The following ABCD3 variants were observed in gnomAD, a reference collection of about 807,000 sequenced individuals.
ABCD3 encodes the protein ATP binding cassette subfamily D member 3.
In ABCD3, 41 loss-of-function variants were observed where a neutral mutation model predicts 105.5. That is an observed-to-expected ratio of 0.39 (90% CI 0.30 to 0.50). The LOEUF is 0.50. ABCD3 is among the 20% of genes least tolerant of loss of function. The probability of loss-of-function intolerance (pLI) is 0.84; values close to 1 mark genes in which losing one functional copy is unlikely to be tolerated. For synonymous variants in ABCD3, 258 were observed against 269.0 expected (o/e 0.96, Z 0.40); for missense variants, 622 against 806.3 (o/e 0.77, Z 2.77).
Position 94,517,890 on chromosome 1 carries a change from C to T in ABCD3, c.*761C>T, listed in dbSNP as rs1403507224. 6.6e-6 allele frequency: 1 copy of T among 152,112 alleles called. No homozygotes were observed. Among genetic ancestry groups the T allele is most frequent in the Non-Finnish European group, 1.5e-5 (1 of 67,824 alleles). 9.4% of individuals were successfully genotyped at this position (152,112 alleles called of 1,614,324 possible). On this transcript the variant is annotated 3_prime_UTR_variant, in exon 23 of 23. Transcript: ENST00000370214. ...CACAAAGTCCTTAACATGCCAGGCT[C>T]AAGGTCTTATAAGAGTTCTAGATTT...
chr1:94,442,926 A>G (rs1196503985), intron 1 of ABCD3, among the ~76,000 whole-genome samples: 2 of 152,126 alleles, frequency 1.3e-5, no homozygotes, highest in Non-Finnish European at 2.9e-5. Context: ...TGATAAACAT[A>G]CCAGTGCAGG....
intron 1 of ABCD3, among the ~76,000 whole-genome samples, chr1:94,430,097 A>G (rs1370142203): frequency 6.6e-6 from 1 of 152,228 alleles, no homozygotes; most frequent in Non-Finnish European, 1.5e-5. Context: ...TAGAGCTTTA[A>G]GATTTGATGG....
intron 16 of ABCD3, 21 bp from the exon 17 acceptor site, chr1:94,498,581 T>G: frequency 6.3e-7 from 1 of 1,586,346 alleles, no homozygotes; most frequent in Non-Finnish European, 8.6e-7. Context: ...CTTCACAGAC[T>G]GATTTTTTTT....
chr1:94,487,571 T>TC lies in ABCD3; in HGVS notation c.928dup (p.Arg310ProfsTer8). The TC allele has an allele frequency of 6.2e-7, 1 of 1,613,908 alleles. No homozygotes were observed. On this transcript the variant is annotated frameshift_variant, in exon 11 of 23. Coordinates refer to ENST00000370214, the MANE Select transcript of ABCD3 (RefSeq NM_002858.4). LOFTEE classifies it high-confidence loss of function. ...AACACCTACATAATTTCATTTTGTT[T>TC]CGGTTTTCAATGGGCTTCATTGATA...
At chr1:94,407,623 A>G in the ABCD3 span, among the ~76,000 whole-genome samples, 1 of 152,212 alleles carries the variant, frequency 6.6e-6, no homozygotes, top group Non-Finnish European at 1.5e-5. Flanking sequence ...GTATGTGAAT[A>G]TTATCCAGCT....
At chr1:94,412,911 A>G in the ABCD3 span, among the ~76,000 whole-genome samples, 1 of 152,094 alleles carries the variant, frequency 6.6e-6, no homozygotes, top group Non-Finnish European at 1.5e-5. Flanking sequence ...TTATTTGCTC[A>G]TTTTTTAAAT....
At chr1:94,459,278 C>T (rs915144377) in intron 2 of ABCD3, among the ~76,000 whole-genome samples, 18 of 152,024 alleles carry the variant, frequency 1.2e-4, no homozygotes, top group Admixed American at 2.0e-4. Context: ...TTTTCCTGTG[C>T]TAAGCAATCT....
At chr1:94,409,071 C>T in the ABCD3 span, among the ~76,000 whole-genome samples, 1 of 151,550 alleles carries the variant, frequency 6.6e-6, no homozygotes, top group East Asian at 1.9e-4. Flanking sequence ...CATATATCAT[C>T]TGGGGGGTGG....
At chr1:94,457,794 T>C (rs1437393536) in intron 1 of ABCD3, among the ~76,000 whole-genome samples, 1 of 152,126 alleles carries the variant, frequency 6.6e-6, no homozygotes, top group African/African-American at 2.4e-5. Flanking sequence ...TTGAGTTCTG[T>C]CCAAACCTGA....
At chr1:94,454,241 G>A (rs1012872933) in intron 1 of ABCD3, among the ~76,000 whole-genome samples, 1 of 152,144 alleles carries the variant, frequency 6.6e-6, no homozygotes, top group African/African-American at 2.4e-5. Context: ...AGTAGAAATG[G>A]AAAGAGCATA....
Position 94,487,620 on chromosome 1 carries a change from A to G in ABCD3, c.967+9A>G, listed in dbSNP as rs1200452400. ...TAGTATTATTGCCAAATGTAAGTAT[A>G]TTTTGAAAGAGATGAGATTTGTGGA... is the stretch of plus-strand genomic sequence containing the variant. On this transcript the variant is annotated intron_variant, in intron 11 of 22. Transcript: ENST00000370214. The G allele has an allele frequency of 1.9e-6, 3 of 1,613,176 alleles. No individual in the cohort carries two copies. Among genetic ancestry groups the G allele is most frequent in the African/African-American group, 1.3e-5 (1 of 74,878 alleles).
chr1:94,401,579 T>A, the ABCD3 span, among the ~76,000 whole-genome samples: 3 of 152,352 alleles, frequency 2.0e-5, no homozygotes, highest in African/African-American at 7.2e-5. Context: ...CCTTCCATTT[T>A]TCAGATACCT....
At chr1:94,408,110 A>C in the ABCD3 span, among the ~76,000 whole-genome samples, 1 of 152,250 alleles carries the variant, frequency 6.6e-6, no homozygotes, top group Non-Finnish European at 1.5e-5. Context: ...GAGATGCAGA[A>C]GTTAAGTAAA....
intron 5 of ABCD3, 22 bp downstream of exon 5, chr1:94,473,857 T>C (rs1487403373): frequency 6.3e-7 from 1 of 1,589,768 alleles, no homozygotes; most frequent in Admixed American, 1.7e-5. Context: ...TCATTAAAAA[T>C]CTTTTTAACA....
chr1:94,437,141 G>A lies in ABCD3; in HGVS notation c.110+18553G>A, dbSNP rs143217720. Among the ~76,000 whole-genome samples the A allele has an allele frequency of 2.6e-4, 39 of 152,342 alleles. No homozygotes were observed. The East Asian group carries it at 7.5e-3, about 29-fold the overall frequency. ...TGAAACAGCAAGTACTGATGTGGAAGCTACAGCAAGTTATCCAGAAGATCT... is the reference window on the plus strand; with the variant it reads ...TGAAACAGCAAGTACTGATGTGGAAACTACAGCAAGTTATCCAGAAGATCT... On this transcript the variant is annotated intron_variant, in intron 1 of 22. Coordinates refer to ENST00000370214, the MANE Select transcript of ABCD3 (RefSeq NM_002858.4).
intron 2 of ABCD3, among the ~76,000 whole-genome samples, chr1:94,458,871 TC>T (rs1046912393): frequency 1.3e-5 from 2 of 150,928 alleles, no homozygotes; most frequent in South Asian, 2.1e-4. Context: ...GATATTAGTT[TC>T]CCCCCCTCTT....
intron 4 of ABCD3, among the ~76,000 whole-genome samples, chr1:94,469,284 C>A (rs1459697037): frequency 6.6e-6 from 1 of 151,996 alleles, no homozygotes; most frequent in Non-Finnish European, 1.5e-5. Context: ...AGAATTAGCT[C>A]TTTTACACTC....
chr1:94,431,729 T>C (rs545828256), intron 1 of ABCD3, among the ~76,000 whole-genome samples: 1 of 152,112 alleles, frequency 6.6e-6, no homozygotes, highest in African/African-American at 2.4e-5. Flanking sequence ...CCTGGCTAAT[T>C]TTTAATTTTT....
At chr1:94,450,564 C>A (rs763869162) in intron 1 of ABCD3, among the ~76,000 whole-genome samples, 23 of 152,254 alleles carry the variant, frequency 1.5e-4, no homozygotes, top group Non-Finnish European at 2.9e-4. Context: ...CCAGACCCAT[C>A]CCTTTATTTC....
Sources: gnomAD v4.1 joint callset for allele counts (sites outside exome capture counted in the v4.1 genomes callset) on GRCh38, gnomAD v4.1.1 for gene constraint, MANE v1.5 for transcripts, NCBI Gene and HGNC (gene_info 2026-07-23, HGNC 2026-07-21) for gene names.